IFT74: variants seen among roughly 807,000 people sequenced by gnomAD.
The protein encoded by IFT74 is intraflagellar transport protein 74 homolog.
In IFT74, 92 loss-of-function variants were observed where a neutral mutation model predicts 96.7. That is an observed-to-expected ratio of 0.95 (90% CI 0.80 to 1.13). The LOEUF (loss-of-function observed/expected upper bound fraction) is 1.13, where lower values mean the gene tolerates loss of function less well. Ranked by LOEUF, IFT74 falls within the 50% of genes most tolerant of loss-of-function variation. The pLI, the probability that IFT74 is intolerant of heterozygous loss-of-function variation, is 0.00. For missense variants in IFT74, 811 were observed against 698.2 expected (o/e 1.16, Z -1.82); for synonymous variants, 223 against 213.2 (o/e 1.05, Z -0.40).
chr9:26,971,448 AG>A (rs1273382954), intron 2 of IFT74, among the ~76,000 whole-genome samples: 1 of 152,106 alleles, frequency 6.6e-6, no homozygotes. Flanking sequence ...CTCCCTCATG[AG>A]AGGTTTGGAT....
At chr9:27,060,555 T>G in intron 18 of IFT74, 36 bp from the exon 19 acceptor site, 2 of 1,391,870 alleles carry the variant, frequency 1.4e-6, no homozygotes, top group Non-Finnish European at 2.0e-6. Context: ...GTTTTAAATA[T>G]GGGTCCTAAT....
chr9:26,986,323 GT>G (rs1453324177), intron 6 of IFT74, among the ~76,000 whole-genome samples: 151 of 142,326 alleles, frequency 1.1e-3, no homozygotes, highest in Non-Finnish European at 1.9e-3. Context: ...TTTTTTTGTT[GT>G]TTTTTTTTTT....
At chr9:27,014,886 C>T (rs182473238) in intron 10 of IFT74, among the ~76,000 whole-genome samples, 2 of 152,338 alleles carry the variant, frequency 1.3e-5, no homozygotes, top group South Asian at 2.1e-4. Flanking sequence ...AGATTACAGG[C>T]GTGAGCTATC....
intron 16 of IFT74, 147 bp downstream of exon 16, chr9:27,048,421 G>C: frequency 1.8e-6 from 1 of 563,100 alleles, no homozygotes; most frequent in Non-Finnish European, 3.1e-6. Context: ...TCATCAGCTG[G>C]CTAGTATTAT....
chr9:27,003,785 T>A (rs575657399), intron 8 of IFT74, among the ~76,000 whole-genome samples: 1 of 152,202 alleles, frequency 6.6e-6, no homozygotes, highest in Non-Finnish European at 1.5e-5. Flanking sequence ...CATAATAGAA[T>A]CCCTTTTAGA....
intron 1 of IFT74, among the ~76,000 whole-genome samples, chr9:26,951,074 T>G (rs1825917038): frequency 6.6e-6 from 1 of 152,276 alleles, no homozygotes; most frequent in African/African-American, 2.4e-5. Flanking sequence ...AAAATGTCCG[T>G]AATGACAGTA....
intron 8 of IFT74, chr9:26,993,743 T>A (rs528119462): frequency 6.6e-6 from 1 of 152,300 alleles, no homozygotes; most frequent in East Asian, 1.9e-4. Context: ...TAGCATATTA[T>A]ACCCTTATTT....
intron 2 of IFT74, among the ~76,000 whole-genome samples, chr9:26,973,645 A>G (rs1208553720): frequency 1.3e-5 from 2 of 152,202 alleles, no homozygotes; most frequent in Non-Finnish European, 1.5e-5. Flanking sequence ...CTCAGGGATC[A>G]ACAAAAATTG....
At chr9:27,030,882 A>C (rs1830091855) in intron 13 of IFT74, among the ~76,000 whole-genome samples, 1 of 152,236 alleles carries the variant, frequency 6.6e-6, no homozygotes, top group South Asian at 2.1e-4. Context: ...AGCAGAACAC[A>C]CCAAGTGGAC....
At chr9:26,971,436 A>G (rs1826871766) in intron 2 of IFT74, among the ~76,000 whole-genome samples, 1 of 151,476 alleles carries the variant, frequency 6.6e-6, no homozygotes, top group South Asian at 2.1e-4. Context: ...TTGAGACAAG[A>G]CCTCCCTCAT....
rs182348423 is a variant in IFT74, at chr9:26,976,256, C to T, written c.121-1872C>T. On this transcript the variant is annotated intron_variant, in intron 2 of 19. Transcript: ENST00000380062. ...CTTCTTGAAGGAGAATGGGAATCCC[C>T]GACAAGCCCCCAGAATTGTTAGAAA... Among the ~76,000 whole-genome samples the T allele has an allele frequency of 2.0e-4, 31 of 152,166 alleles. 1 individual carries two copies. In the East Asian group the frequency reaches 5.6e-3, roughly 28 times the overall value.
chr9:27,033,283 T>TGTG (rs1448449326), intron 13 of IFT74, among the ~76,000 whole-genome samples: 5 of 151,964 alleles, frequency 3.3e-5, no homozygotes, highest in Non-Finnish European at 7.4e-5. Context: ...CTGGTACAGG[T>TGTG]GTGGTGGCTC....
At chr9:26,957,141 A>G (rs1826146572) in intron 1 of IFT74, among the ~76,000 whole-genome samples, 1 of 152,148 alleles carries the variant, frequency 6.6e-6, no homozygotes, top group Non-Finnish European at 1.5e-5. Flanking sequence ...GAATAATTGG[A>G]AATTGTGTGA....
intron 6 of IFT74, among the ~76,000 whole-genome samples, 168 bp from the exon 7 acceptor site, chr9:26,988,501 T>TA (rs1827729813): frequency 2.0e-5 from 3 of 152,206 alleles, no homozygotes; most frequent in Non-Finnish European, 4.4e-5. Flanking sequence ...TATGCTTACT[T>TA]AGGTAGCTCA....
intron 8 of IFT74, among the ~76,000 whole-genome samples, chr9:26,991,040 T>G (rs550004186): frequency 6.6e-6 from 1 of 152,340 alleles, no homozygotes; most frequent in East Asian, 1.9e-4. Flanking sequence ...TTAGTCTCTT[T>G]GAGAGCAAAG....
intron 4 of IFT74, among the ~76,000 whole-genome samples, chr9:26,981,925 G>A (rs1456265978): frequency 2.6e-5 from 4 of 151,596 alleles, no homozygotes; most frequent in Non-Finnish European, 5.9e-5. Context: ...GCGCCACCAT[G>A]CCTGGCTAAT....
At chr9:27,038,349 G>C (rs959222557) in intron 13 of IFT74, among the ~76,000 whole-genome samples, 1 of 152,106 alleles carries the variant, frequency 6.6e-6, no homozygotes, top group African/African-American at 2.4e-5. Flanking sequence ...TGCAACCTCT[G>C]CCTCCTGGGT....
chr9:27,031,991 T>C (rs1830148056), intron 13 of IFT74, among the ~76,000 whole-genome samples: 1 of 152,144 alleles, frequency 6.6e-6, no homozygotes, highest in East Asian at 1.9e-4. Flanking sequence ...GGATTACAGG[T>C]GTGAGCCACT....
chr9:27,015,605 C>G (rs10967663), intron 10 of IFT74, among the ~76,000 whole-genome samples: 1,840 of 152,168 alleles, frequency 0.012, 37 homozygotes, highest in African/African-American at 0.041. Flanking sequence ...CCACTGCACT[C>G]CAGCCTGGGT....
Sources: allele counts gnomAD v4.1 joint callset (sites outside exome capture counted in the v4.1 genomes callset), GRCh38; gene constraint gnomAD v4.1.1; transcripts MANE v1.5; gene names NCBI Gene and HGNC (gene_info 2026-07-23, HGNC 2026-07-21).